COL5A1: variants seen among roughly 807,000 people sequenced by gnomAD.
COL5A1 encodes collagen alpha-1(V) chain.
Under a neutral mutation model 263.7 loss-of-function variants are expected in COL5A1, and 16 were observed. That is an observed-to-expected ratio of 0.06 (90% CI 0.04 to 0.09). The LOEUF (loss-of-function observed/expected upper bound fraction) is 0.09, where lower values mean the gene tolerates loss of function less well. Ranked by LOEUF, COL5A1 falls within the 10% of genes least tolerant of loss-of-function variation. The probability of loss-of-function intolerance (pLI) is 1.00; values close to 1 mark genes in which losing one functional copy is unlikely to be tolerated. For missense variants in COL5A1, 2,036 were observed against 2,540.5 expected, an observed-to-expected ratio of 0.80 and a Z score of 4.27; for synonymous variants, 1,012 against 1,004.5, an observed-to-expected ratio of 1.01 and a Z score of -0.14.
At chr9:134,695,294 C>G (rs1005055116) in intron 2 of COL5A1, among the ~76,000 whole-genome samples, 5 of 152,198 alleles carry the variant, frequency 3.3e-5, no homozygotes, top group Non-Finnish European at 5.9e-5. Flanking sequence ...CTGTGGCTCT[C>G]CTGCACCCTG....
chr9:134,670,081 A>G (rs1832493411), intron 1 of COL5A1, among the ~76,000 whole-genome samples: 1 of 152,240 alleles, frequency 6.6e-6, no homozygotes, highest in South Asian at 2.1e-4. Flanking sequence ...ACTTAGACAC[A>G]GAGATTTTCT....
In COL5A1 at chr9:134,748,517, G is replaced by C. The variant is rs149692537; in HGVS notation, c.1495-2025G>C. 1.2e-3 allele frequency among the ~76,000 whole-genome samples: 182 copies of C among 152,338 alleles called. 1 individual carries two copies. The Middle Eastern group carries it at 0.024, about 20-fold the overall frequency. On this transcript the variant is annotated intron_variant, in intron 11 of 65. Transcript: ENST00000371817. Reference sequence around the variant, plus strand: ...CAAGGTTTGGTTTGGAATTGATTCCGACACAGGAATCTCAGCTGTAAGTGG... The same window carrying C: ...CAAGGTTTGGTTTGGAATTGATTCCCACACAGGAATCTCAGCTGTAAGTGG...
Position 134,758,338 on chromosome 9 carries a change from G to T in COL5A1, c.1935+42G>T, listed in dbSNP as rs1369239078. 2 of 1,597,546 alleles carry T rather than the reference G, an allele frequency of 1.3e-6. No homozygotes were observed. Among genetic ancestry groups the T allele is most frequent in the Non-Finnish European group, 1.7e-6 (2 of 1,165,124 alleles). ...TGAGACACAGGCATGACGATGGGCA[G>T]CAGAGGTGTCTCTCGGGAGGCCCTT... On this transcript the variant is annotated intron_variant, in intron 18 of 65. Coordinates refer to ENST00000371817, the MANE Select transcript of COL5A1 (RefSeq NM_000093.5). This position sits in a 1 kb window ranked among gnomAD's most constrained non-coding sequence, Gnocchi z 4.1.
chr9:134,802,158 T>A, intron 38 of COL5A1, 151 bp downstream of exon 38: 1 of 805,400 alleles, frequency 1.2e-6, no homozygotes, highest in East Asian at 2.6e-5. Flanking sequence ...TTGGTCAGCG[T>A]GAGGCTCGCC....
chr9:134,831,996 G>A (rs779801084), intron 64 of COL5A1, among the ~76,000 whole-genome samples: 6 of 152,178 alleles, frequency 3.9e-5, no homozygotes, highest in Non-Finnish European at 8.8e-5. Flanking sequence ...CAGGTGCAGG[G>A]GCTCATGCTT....
At chr9:134,813,861 C>A in intron 48 of COL5A1, 122 bp from the exon 49 acceptor site, 1 of 1,059,932 alleles carries the variant, frequency 9.4e-7, no homozygotes, top group South Asian at 1.4e-5. Flanking sequence ...CCAGAAACCC[C>A]TGGGTCCTGG....
At chr9:134,671,518 A>G (rs1317831719) in intron 1 of COL5A1, among the ~76,000 whole-genome samples, 1 of 152,176 alleles carries the variant, frequency 6.6e-6, no homozygotes, top group Non-Finnish European at 1.5e-5. Flanking sequence ...GTGACCCACC[A>G]CAATGTTCCT....
chr9:134,835,725 C>T (rs528469920), intron 65 of COL5A1, among the ~76,000 whole-genome samples: 2 of 152,180 alleles, frequency 1.3e-5, no homozygotes, highest in African/African-American at 2.4e-5. Context: ...GAGGCCGGAG[C>T]GGCGGGAGGC....
rs1427461400 is a variant in COL5A1 at position 134,843,242 on chromosome 9, T to G, written c.*939T>G. The G allele has an allele frequency of 6.6e-6, 1 of 151,586 alleles. No individual in the cohort carries two copies. Among genetic ancestry groups the G allele is most frequent in the East Asian group, 1.9e-4 (1 of 5,200 alleles). The allele number at this position is 151,586 out of a possible 1,614,324, so 9.4% of individuals were successfully genotyped here. A position where few individuals can be genotyped will look rare whatever the true frequency, so the allele number is the denominator to read the frequency against. The stretch of plus-strand genomic sequence containing the variant: ...CTAAAACACAGGTTTGGATTAATTT[T>G]ATTTGCTTCCTTTTTCCGCTTTTCT... On this transcript the variant is annotated 3_prime_UTR_variant, in exon 66 of 66. Coordinates refer to ENST00000371817, the MANE Select transcript of COL5A1 (RefSeq NM_000093.5).
intron 46 of COL5A1, among the ~76,000 whole-genome samples, chr9:134,812,204 T>C (rs1480379639): frequency 6.6e-6 from 1 of 152,204 alleles, no homozygotes; most frequent in Non-Finnish European, 1.5e-5. Flanking sequence ...GCTTTATTGT[T>C]TTATGGGTTC....
intron 18 of COL5A1, among the ~76,000 whole-genome samples, chr9:134,759,522 CACCACATACACCACACAT>C (rs1361819809): frequency 2.3e-5 from 3 of 128,812 alleles, no homozygotes; most frequent in Non-Finnish European, 4.8e-5. Context: ...CACATACACA[CACCACATACACCACACAT>C]GCGCACACAC....
Position 134,652,576 on chromosome 9 carries a change from T to G in COL5A1, c.109+10280T>G. 2.6e-6 allele frequency: 1 copy of G among 390,688 alleles called. No individual in the cohort carries two copies. 24.2% of individuals were successfully genotyped at this position (390,688 alleles called of 1,614,324 possible). A position where few individuals can be genotyped will look rare whatever the true frequency, so the allele number is the denominator to read the frequency against. On this transcript the variant is annotated intron_variant, in intron 1 of 65. Transcript: ENST00000371817. The surrounding 1 kb of genome is among the most constrained non-coding windows in gnomAD (Gnocchi z 4.4). ...TGGGGGCAGGGCTATCGGCCTGTAG[T>G]TGGGGGAGTCCGAGGATGCTGCTCT...
intron 8 of COL5A1, 114 bp from the exon 9 acceptor site, chr9:134,731,957 C>T: frequency 8.1e-7 from 1 of 1,240,102 alleles, no homozygotes. Context: ...GGGGAGATGC[C>T]CAGCTACGAT....
At chr9:134,730,188 C>T (rs1173531275) in intron 6 of COL5A1, 48 bp from the exon 7 acceptor site, 1 of 1,607,330 alleles carries the variant, frequency 6.2e-7, no homozygotes, top group East Asian at 2.2e-5. Flanking sequence ...CCTGGCACCA[C>T]TGCCGGCCTC....
At chr9:134,822,368 A>T (rs1839043066) in intron 59 of COL5A1, among the ~76,000 whole-genome samples, 1 of 152,188 alleles carries the variant, frequency 6.6e-6, no homozygotes, top group African/African-American at 2.4e-5. Flanking sequence ...GGTGGGGAAG[A>T]CAGGGACAGG....
chr9:134,793,624 G>A (rs1837796889), intron 32 of COL5A1, among the ~76,000 whole-genome samples: 1 of 152,164 alleles, frequency 6.6e-6, no homozygotes, highest in Middle Eastern at 3.2e-3. Context: ...TAGTGGGACT[G>A]TTTTAGGGTG....
At chr9:134,702,650 G>A (rs1036903613) in intron 4 of COL5A1, among the ~76,000 whole-genome samples, 21 of 152,232 alleles carry the variant, frequency 1.4e-4, no homozygotes, top group Admixed American at 8.5e-4. Context: ...GGCTTTGAGC[G>A]TGTGAGAAGA....
intron 14 of COL5A1, 73 bp from the exon 15 acceptor site, chr9:134,753,777 G>A (rs1171290341): frequency 9.6e-6 from 6 of 622,802 alleles, no homozygotes; most frequent in African/African-American, 2.2e-5. Flanking sequence ...CCCCTCCCCT[G>A]CCACCCCCAG....
At chr9:134,816,859 C>T (rs1324694214) in intron 52 of COL5A1, among the ~76,000 whole-genome samples, 167 bp from the exon 53 acceptor site, 1 of 152,206 alleles carries the variant, frequency 6.6e-6, no homozygotes, top group Non-Finnish European at 1.5e-5. Flanking sequence ...GCTGTCACAG[C>T]CCGGGTGCGA....
Sources: allele counts gnomAD v4.1 joint callset (sites outside exome capture counted in the v4.1 genomes callset), GRCh38; gene constraint gnomAD v4.1.1; non-coding constraint Gnocchi (gnomAD v3.1); transcripts MANE v1.5; gene names NCBI Gene and HGNC (gene_info 2026-07-23, HGNC 2026-07-21).